The following SUMO3 variants were observed in gnomAD, a reference collection of about 807,000 sequenced individuals.
The protein encoded by SUMO3 is small ubiquitin-related modifier 3.
SUMO3 carries 2 observed loss-of-function variants against 11.1 expected under a neutral mutation model. The ratio of observed to expected loss-of-function variants is 0.18; its 90% CI spans 0.07 to 0.57. The LOEUF is 0.57. SUMO3 is among the 20% of genes least tolerant of loss of function. The pLI is 0.92. For synonymous variants in SUMO3, 56 were observed against 53.5 expected (o/e 1.05, Z -0.20); for missense variants, 70 against 132.8 (o/e 0.53, Z 2.32).
intron 1 of SUMO3, among the ~76,000 whole-genome samples, 165 bp downstream of exon 1, chr21:44,817,783 G>A (rs1225468854): frequency 1.0e-5 from 1 of 95,740 alleles, no homozygotes; most frequent in Non-Finnish European, 2.3e-5. Context: ...GGGGCAGAGG[G>A]GGCGCACCTT....
chr21:44,810,964 G>GCACACCCATGCA lies in SUMO3; in HGVS notation c.151-1858_151-1847dup, dbSNP rs753180269. Reference sequence around the variant, plus strand: ...CACACACATGCACACACCCACACATGCACACCCATGCACACACCCATGCAC... The same window carrying GCACACCCATGCA: ...CACACACATGCACACACCCACACATGCACACCCATGCACACACCCATGCACACACCCATGCAC... On this transcript the variant is annotated intron_variant, in intron 2 of 3. Transcript: ENST00000332859. The surrounding 1 kb of genome is among the most constrained non-coding windows in gnomAD (Gnocchi z 4.1). 8.3e-6 allele frequency among the ~76,000 whole-genome samples: 1 copy of GCACACCCATGCA among 120,538 alleles called. No homozygotes were observed. The highest frequency in any genetic ancestry group is 1.8e-5 in the Non-Finnish European group (1 of 56,528). 79.1% of individuals were successfully genotyped at this position (120,538 alleles called of 152,430 possible). A position where few individuals can be genotyped will look rare whatever the true frequency, so the allele number is the denominator to read the frequency against.
At chr21:44,814,219 T>C in intron 1 of SUMO3, 115 bp from the exon 2 acceptor site, 7 of 1,365,552 alleles carry the variant, frequency 5.1e-6, no homozygotes, top group Non-Finnish European at 7.0e-6. Context: ...CCAACCTAAT[T>C]CTTAAAATTC....
rs1203396390 is a variant in SUMO3 at position 44,810,567 on chromosome 21, C to T, written c.151-1449G>A. ...GGGCGGAAACAGGCCCACGAAAGCGCGTGCCCTCAACACTGTGCGCCAAGT... is the reference window on the plus strand; with the variant it reads ...GGGCGGAAACAGGCCCACGAAAGCGTGTGCCCTCAACACTGTGCGCCAAGT... On this transcript the variant is annotated intron_variant, in intron 2 of 3. Transcript: ENST00000332859. The surrounding 1 kb of genome is among the most constrained non-coding windows in gnomAD (Gnocchi z 4.1). Among the ~76,000 whole-genome samples, 4 of 152,212 alleles carry T rather than the reference C, an allele frequency of 2.6e-5. No individual in the cohort carries two copies. The highest frequency in any genetic ancestry group is 7.2e-5 in the African/African-American group (3 of 41,444).
intron 1 of SUMO3, 60 bp from the exon 2 acceptor site, chr21:44,814,164 T>C (rs9306116): frequency 6.9e-6 from 11 of 1,586,334 alleles, no homozygotes; most frequent in African/African-American, 1.3e-5. Context: ...GCGACTTGAA[T>C]GGGCAAGTCT....
Position 44,806,325 on chromosome 21 carries a change from G to A in SUMO3, c.*626C>T, listed in dbSNP as rs1454064666. On this transcript the variant is annotated 3_prime_UTR_variant, in exon 4 of 4. Transcript: ENST00000332859. ...CAGACCCCGAGGTTACATGCTTGAG[G>A]GCCAGAGAGCACGTGGGGTCAAATT... 1 of 152,408 alleles carries A rather than the reference G, an allele frequency of 6.6e-6. No individual in the cohort carries two copies. The highest frequency in any genetic ancestry group is 1.5e-5 in the Non-Finnish European group (1 of 68,228). 9.4% of individuals were successfully genotyped at this position (152,408 alleles called of 1,614,324 possible).
At chr21:44,815,419 CCA>C (rs1215012151) in intron 1 of SUMO3, among the ~76,000 whole-genome samples, 1 of 152,186 alleles carries the variant, frequency 6.6e-6, no homozygotes, top group Non-Finnish European at 1.5e-5. Context: ...CCCCCCGACT[CCA>C]GTCTTGGGCC....
chr21:44,811,094 CCACATACA>C lies in SUMO3; in HGVS notation c.151-1984_151-1977del, dbSNP rs1248368283. ...CACACGAATGCACACATGCACACAC[CCACATACA>C]CACACATGCACACACCCACATATAC... On this transcript the variant is annotated intron_variant, in intron 2 of 3. Transcript: ENST00000332859. This position sits in a 1 kb window ranked among gnomAD's most constrained non-coding sequence, Gnocchi z 5.0. Among the ~76,000 whole-genome samples the C allele has an allele frequency of 7.1e-6, 1 of 140,412 alleles. No individual in the cohort carries two copies. Among genetic ancestry groups the C allele is most frequent in the African/African-American group, 2.7e-5 (1 of 37,004 alleles). 92.1% of individuals were successfully genotyped at this position (140,412 alleles called of 152,430 possible). A position where few individuals can be genotyped will look rare whatever the true frequency, so the allele number is the denominator to read the frequency against.
chr21:44,814,250 C>A, intron 1 of SUMO3, 146 bp from the exon 2 acceptor site: 1 of 1,092,506 alleles, frequency 9.2e-7, no homozygotes, highest in Non-Finnish European at 1.3e-6. Flanking sequence ...CAGAGTCACT[C>A]GTGATGGTTT....
In SUMO3 at chr21:44,806,674, A is replaced by G. The variant is rs2083179091; in HGVS notation, c.*277T>C. 3.0e-6 allele frequency: 2 copies of G among 669,790 alleles called. No individual in the cohort carries two copies. The highest frequency in any genetic ancestry group is 2.3e-5 in the South Asian group (1 of 43,392). The allele number at this position is 669,790 out of a possible 1,614,324, so 41.5% of individuals were successfully genotyped here. On this transcript the variant is annotated 3_prime_UTR_variant, in exon 4 of 4. Coordinates refer to ENST00000332859, the MANE Select transcript of SUMO3 (RefSeq NM_006936.3). ...TTTGGGGTTAAAAAAATGTTGTAGG[A>G]GGGGGGGAAAACACAAATGAGCACA...
rs1340175320 is a variant in SUMO3, at chr21:44,818,023, A to G, written c.-55T>C. On this transcript the variant is annotated 5_prime_UTR_variant, in exon 1 of 4. Coordinates refer to ENST00000332859, the MANE Select transcript of SUMO3 (RefSeq NM_006936.3). The stretch of plus-strand genomic sequence containing the variant: ...CGGGGGAAGCAGCGCGGAGCGGGCG[A>G]GTCACGCTCTCGGCCCCGCCGCTCT... 2 of 1,165,958 alleles carry G rather than the reference A, an allele frequency of 1.7e-6. No individual in the cohort carries two copies. Among genetic ancestry groups the G allele is most frequent in the African/African-American group, 1.6e-5 (1 of 61,176 alleles). 72.2% of individuals were successfully genotyped at this position (1,165,958 alleles called of 1,614,324 possible).
At chr21:44,817,848 CA>C (rs1251376805) in intron 1 of SUMO3, 99 bp downstream of exon 1, 5 of 84 alleles carry the variant, frequency 0.06, no homozygotes, top group African/African-American at 0.23. Flanking sequence ...CGGAGCCTGT[CA>C]GGGGCGGGAC....
intron 2 of SUMO3, among the ~76,000 whole-genome samples, chr21:44,809,488 G>A (rs1356437984): frequency 6.6e-6 from 1 of 152,178 alleles, no homozygotes; most frequent in Non-Finnish European, 1.5e-5. Context: ...CAAACCAGTG[G>A]CAGTTCAGTT....
Position 44,810,984 on chromosome 21 carries a change from ATG to A in SUMO3, c.151-1868_151-1867del, listed in dbSNP as rs1367227008. ...CACATGCACACCCATGCACACACCC[ATG>A]CACACACCCACACATGCACACACCC... On this transcript the variant is annotated intron_variant, in intron 2 of 3. Coordinates refer to ENST00000332859, the MANE Select transcript of SUMO3 (RefSeq NM_006936.3). The surrounding 1 kb of genome is among the most constrained non-coding windows in gnomAD (Gnocchi z 4.1). Among the ~76,000 whole-genome samples, 13 of 147,222 alleles carry A rather than the reference ATG, an allele frequency of 8.8e-5. No individual in the cohort carries two copies. The highest frequency in any genetic ancestry group is 4.7e-4 in the Admixed American group (7 of 14,952).
In SUMO3 at chr21:44,809,065, T is replaced by C; in HGVS notation, c.204A>G (p.Glu68=). The change falls in exon 3 of 4, where the codon GAA becomes GAG. Residue 68 remains glutamate, a synonymous_variant. Transcript: ENST00000332859. ...TCCGTACCTGTGCTGGAGTGTCAGT[T>C]TCATTGATTGGCTGCCCGTCGAACC... ...RFRFDGQPIN[E]TDTPAQLEME... is the part of the protein sequence containing the mutation. The C allele has an allele frequency of 6.2e-7, 1 of 1,614,036 alleles. No individual in the cohort carries two copies. Among genetic ancestry groups the C allele is most frequent in the Non-Finnish European group, 8.5e-7 (1 of 1,180,000 alleles).
At chr21:44,814,213 C>A in intron 1 of SUMO3, 109 bp from the exon 2 acceptor site, 1 of 1,418,326 alleles carries the variant, frequency 7.1e-7, no homozygotes, top group African/African-American at 1.4e-5. Flanking sequence ...TCAAAACCAA[C>A]CTAATTCTTA....
intron 3 of SUMO3, chr21:44,808,716 C>A: frequency 8.0e-7 from 1 of 1,255,868 alleles, no homozygotes; most frequent in Non-Finnish European, 1.1e-6. Context: ...TCCAGCTGGC[C>A]CCTAAGCTGC....
chr21:44,806,904 T>C lies in SUMO3; in HGVS notation c.*47A>G. 1 of 1,612,666 alleles carries C rather than the reference T, an allele frequency of 6.2e-7. No individual in the cohort carries two copies. The highest frequency in any genetic ancestry group is 2.2e-5 in the East Asian group (1 of 44,862). On this transcript the variant is annotated 3_prime_UTR_variant, in exon 4 of 4. Transcript: ENST00000332859. Reference sequence around the variant, plus strand: ...GGTCGGCATGGTCACGTGCTCACCATTCAACAGCAATGCGAGGATGGACGG... The same window carrying C: ...GGTCGGCATGGTCACGTGCTCACCACTCAACAGCAATGCGAGGATGGACGG...
intron 1 of SUMO3, among the ~76,000 whole-genome samples, chr21:44,817,199 G>C (rs1247469062): frequency 1.4e-5 from 2 of 138,322 alleles, no homozygotes; most frequent in Non-Finnish European, 3.2e-5. Context: ...ACACCGGGGG[G>C]CGCGATGGGG....
intron 2 of SUMO3, among the ~76,000 whole-genome samples, 161 bp from the exon 3 acceptor site, chr21:44,809,279 A>G (rs1229860413): frequency 1.3e-5 from 2 of 152,260 alleles, no homozygotes; most frequent in East Asian, 1.9e-4. Context: ...TAATCCAAGT[A>G]TCAGCATTCT....
Sources: gnomAD v4.1 joint callset for allele counts (sites outside exome capture counted in the v4.1 genomes callset) on GRCh38, gnomAD v4.1.1 for gene constraint, Gnocchi (gnomAD v3.1) non-coding constraint, MANE v1.5 for transcripts, NCBI Gene and HGNC (gene_info 2026-07-23, HGNC 2026-07-21) for gene names.